Variants in CDH18 observed in about 807,000 individuals in gnomAD.
CDH18 encodes cadherin 18.
A neutral mutation model predicts 67.9 loss-of-function variants in CDH18; 31 were observed. The observed-to-expected ratio is 0.46, with a 90% CI of 0.34 to 0.62. The LOEUF is 0.62. Ranked by LOEUF, CDH18 falls within the 20% of genes least tolerant of loss-of-function variation. The pLI, the probability that CDH18 is intolerant of heterozygous loss-of-function variation, is 0.01. For missense variants in CDH18, 890 were observed against 975.5 expected, an observed-to-expected ratio of 0.91 and a Z score of 1.17; for synonymous variants, 362 against 347.2, an observed-to-expected ratio of 1.04 and a Z score of -0.48.
chr5:20,151,995 A>C (rs550598902), intron 2 of CDH18, among the ~76,000 whole-genome samples: 1 of 150,980 alleles, frequency 6.6e-6, no homozygotes, highest in South Asian at 2.1e-4. Flanking sequence ...AATGTTATTC[A>C]GTGTGTAGAA....
intron 3 of CDH18, among the ~76,000 whole-genome samples, chr5:19,801,643 A>G (rs1410855081): frequency 6.6e-6 from 1 of 152,238 alleles, no homozygotes; most frequent in Admixed American, 6.5e-5. Context: ...TCCCAAGGGA[A>G]TATACACCAG....
intron 1 of CDH18, among the ~76,000 whole-genome samples, chr5:20,481,423 A>T (rs1198200934): frequency 6.6e-6 from 1 of 152,144 alleles, no homozygotes; most frequent in African/African-American, 2.4e-5. Context: ...CAGAAAATCA[A>T]CAAAAACATA....
intron 2 of CDH18, among the ~76,000 whole-genome samples, chr5:20,017,620 G>C (rs1463198596): frequency 6.6e-6 from 1 of 152,162 alleles, no homozygotes; most frequent in African/African-American, 2.4e-5. Flanking sequence ...CAACTGACAA[G>C]TGTAGAGAAA....
At chr5:20,304,630 C>A (rs1736258719) in intron 1 of CDH18, 1 of 1,611,818 alleles carries the variant, frequency 6.2e-7, no homozygotes. Flanking sequence ...AACTTTCTTG[C>A]CGAAATTAAA....
At chr5:19,542,336 C>T (rs1204340981) in intron 9 of CDH18, among the ~76,000 whole-genome samples, 2 of 152,138 alleles carry the variant, frequency 1.3e-5, no homozygotes, top group Non-Finnish European at 2.9e-5. Context: ...AAATGTAAAA[C>T]AGTGCATCCA....
At chr5:20,515,256 G>A (rs1245208463) in intron 1 of CDH18, among the ~76,000 whole-genome samples, 2 of 150,858 alleles carry the variant, frequency 1.3e-5, no homozygotes, top group African/African-American at 2.4e-5. Flanking sequence ...CTTCCCAGTG[G>A]CAGAGTGTCC....
chr5:19,641,705 G>T (rs906130271), intron 5 of CDH18, among the ~76,000 whole-genome samples: 5 of 151,844 alleles, frequency 3.3e-5, no homozygotes, highest in African/African-American at 1.2e-4. Context: ...TATATGAAAA[G>T]CCCACAGCTA....
chr5:20,126,970 C>T (rs1471361559), intron 2 of CDH18, among the ~76,000 whole-genome samples: 2 of 152,052 alleles, frequency 1.3e-5, no homozygotes, highest in African/African-American at 4.8e-5. Flanking sequence ...CCAAAAGAAT[C>T]GAAATCAGGA....
chr5:20,110,549 T>C (rs1335416252), intron 2 of CDH18, among the ~76,000 whole-genome samples: 5 of 152,138 alleles, frequency 3.3e-5, no homozygotes, highest in African/African-American at 1.2e-4. Flanking sequence ...CCGGGTGTGG[T>C]GGCATGTGCC....
chr5:19,529,061 A>G (rs920129667), intron 9 of CDH18, among the ~76,000 whole-genome samples: 1 of 151,958 alleles, frequency 6.6e-6, no homozygotes, highest in Non-Finnish European at 1.5e-5. Context: ...ATGGAATAAA[A>G]TATATAAAAA....
At chr5:20,036,599 T>C (rs1739884037) in intron 2 of CDH18, among the ~76,000 whole-genome samples, 1 of 152,062 alleles carries the variant, frequency 6.6e-6, no homozygotes, top group Non-Finnish European at 1.5e-5. Flanking sequence ...TTCAGCTTAA[T>C]AGGGATCCAT....
chr5:20,242,622 A>ATATATACATG (rs1743047940), intron 2 of CDH18, among the ~76,000 whole-genome samples: 3 of 106,968 alleles, frequency 2.8e-5, no homozygotes, highest in East Asian at 2.6e-4. Flanking sequence ...ATATATATAT[A>ATATATACATG]TATATATATA....
chr5:20,333,812 C>T (rs928525631), intron 1 of CDH18, among the ~76,000 whole-genome samples: 2 of 152,176 alleles, frequency 1.3e-5, no homozygotes, highest in East Asian at 3.9e-4. Context: ...CAGCATCTTA[C>T]TGGAGGCATC....
chr5:20,534,711 T>A (rs1030747816), intron 1 of CDH18, among the ~76,000 whole-genome samples: 1 of 152,084 alleles, frequency 6.6e-6, no homozygotes, highest in Non-Finnish European at 1.5e-5. Context: ...TTTTTGCACA[T>A]TGTGCTTTTA....
intron 1 of CDH18, among the ~76,000 whole-genome samples, chr5:20,456,732 A>T (rs1750859425): frequency 6.6e-6 from 1 of 151,936 alleles, no homozygotes; most frequent in Non-Finnish European, 1.5e-5. Flanking sequence ...TAAATGCCAT[A>T]TTTTTTTTAA....
chr5:20,224,674 C>A (rs1741473761), intron 2 of CDH18, among the ~76,000 whole-genome samples: 2 of 151,962 alleles, frequency 1.3e-5, no homozygotes, highest in Middle Eastern at 3.2e-3. Flanking sequence ...TAAATGCATT[C>A]TTTTAAATTA....
intron 1 of CDH18, among the ~76,000 whole-genome samples, chr5:20,356,961 CTG>C (rs1309141540): frequency 1.3e-5 from 2 of 149,846 alleles, no homozygotes; most frequent in African/African-American, 2.5e-5. Flanking sequence ...GTAGTAATAA[CTG>C]TAAGTCAGTA....
At chr5:20,090,982 C>T (rs929240080) in intron 2 of CDH18, among the ~76,000 whole-genome samples, 6 of 150,708 alleles carry the variant, frequency 4.0e-5, no homozygotes, top group Non-Finnish European at 5.9e-5. Context: ...CCTGGGATAT[C>T]GAGGCTTCAG....
intron 3 of CDH18, among the ~76,000 whole-genome samples, chr5:19,763,366 A>G (rs1314548344): frequency 6.6e-6 from 1 of 152,186 alleles, no homozygotes; most frequent in Non-Finnish European, 1.5e-5. Context: ...AAGTAGCACA[A>G]ACAAAGGCTT....
Sources: allele counts gnomAD v4.1 joint callset (sites outside exome capture counted in the v4.1 genomes callset), GRCh38; gene constraint gnomAD v4.1.1; transcripts MANE v1.5; gene names NCBI Gene and HGNC (gene_info 2026-07-23, HGNC 2026-07-21).